The following SLC28A1 variants were observed in gnomAD, a reference collection of about 807,000 sequenced individuals.
SLC28A1 encodes the protein solute carrier family 28 member 1, also known as sodium/nucleoside cotransporter 1.
A neutral mutation model predicts 74.8 loss-of-function variants in SLC28A1; 64 were observed. The ratio of observed to expected loss-of-function variants is 0.86; its 90% confidence interval spans 0.70 to 1.05. The LOEUF (loss-of-function observed/expected upper bound fraction) is 1.05. Ranked by LOEUF, SLC28A1 falls within the 50% of genes least tolerant of loss-of-function variation. SLC28A1 has a pLI of 0.00. For missense variants in SLC28A1, 828 were observed against 822.8 expected (o/e 1.01, Z -0.08); for synonymous variants, 359 against 335.0 (o/e 1.07, Z -0.78).
At chr15:84,901,165 G>A (rs1966651708) in intron 6 of SLC28A1, among the ~76,000 whole-genome samples, 1 of 152,024 alleles carries the variant, frequency 6.6e-6, no homozygotes, top group Admixed American at 6.6e-5. Flanking sequence ...GAGCCACGGT[G>A]CCTGGCCTTG....
chr15:84,958,693 A>G, the SLC28A1 span, among the ~76,000 whole-genome samples: 2 of 152,142 alleles, frequency 1.3e-5, no homozygotes, highest in African/African-American at 4.8e-5. Context: ...AGCTGGGACT[A>G]CAGGAAGGCA....
intron 11 of SLC28A1, among the ~76,000 whole-genome samples, chr15:84,922,335 T>A (rs1318915295): frequency 1.3e-5 from 2 of 152,192 alleles, no homozygotes; most frequent in African/African-American, 4.8e-5. Flanking sequence ...CAACCTGAAC[T>A]GTTGCTCCCC....
chr15:84,937,578 G>C (rs947829014), intron 15 of SLC28A1, among the ~76,000 whole-genome samples: 8 of 152,142 alleles, frequency 5.3e-5, no homozygotes. Flanking sequence ...GTTTTAAATT[G>C]TAAAGGAAGG....
At chr15:84,962,746 ATT>A in the SLC28A1 span, among the ~76,000 whole-genome samples, 2 of 152,128 alleles carry the variant, frequency 1.3e-5, no homozygotes, top group African/African-American at 2.4e-5. Context: ...AGAGGAAAAG[ATT>A]TTTACCCCAG....
intron 9 of SLC28A1, among the ~76,000 whole-genome samples, chr15:84,910,728 CAACAAAACAA>C (rs927102621): frequency 5.3e-5 from 8 of 152,048 alleles, no homozygotes; most frequent in South Asian, 2.1e-4. Context: ...AACTGCATCT[CAACAAAACAA>C]AACAAAACAA....
chr15:84,944,903 A>G (rs1211268303), intron 18 of SLC28A1, 36 bp downstream of exon 18: 1 of 1,413,992 alleles, frequency 7.1e-7, no homozygotes, highest in Non-Finnish European at 1.0e-6. Flanking sequence ...CAGGGCACCC[A>G]CAGTGATAGA....
At chr15:84,974,742 T>C in the SLC28A1 span, among the ~76,000 whole-genome samples, 2 of 152,104 alleles carry the variant, frequency 1.3e-5, no homozygotes, top group African/African-American at 4.8e-5. Context: ...AGGGCACAAA[T>C]GGTGTAGCTT....
chr15:84,925,067 G>GTTTTTTT (rs964017770), intron 12 of SLC28A1, among the ~76,000 whole-genome samples: 17 of 84,148 alleles, frequency 2.0e-4, no homozygotes, highest in South Asian at 6.5e-4. Context: ...CGCCCAGCTA[G>GTTTTTTT]TTTTTTTTTT....
At chr15:84,938,465 C>T (rs777255690) in intron 15 of SLC28A1, 16 of 152,074 alleles carry the variant, frequency 1.1e-4, no homozygotes, top group African/African-American at 1.4e-4. Context: ...GCACAGGGGC[C>T]GTGCTAATCT....
chr15:84,936,553 G>A (rs7176065), intron 15 of SLC28A1, among the ~76,000 whole-genome samples: 5,462 of 152,134 alleles, frequency 0.036, 326 homozygotes, highest in African/African-American at 0.12. Flanking sequence ...CACCATACCC[G>A]GCCATCACCT....
intron 9 of SLC28A1, among the ~76,000 whole-genome samples, chr15:84,913,501 C>G (rs1288218173): frequency 6.6e-6 from 1 of 152,172 alleles, no homozygotes; most frequent in Non-Finnish European, 1.5e-5. Context: ...GTGTGGTGTC[C>G]AGGTCAGCTG....
At position 84,931,651 on chromosome 15, in the gene SLC28A1, CAAAAAAAAAA is replaced by C. The variant is rs60407699; in HGVS notation, c.1084-1477_1084-1468del. ...TGGGCGACAGAGTGAGACTCCATCT[CAAAAAAAAAA>C]AAAAAAAAAAAAAAAATGAAAGAAA... On this transcript the variant is annotated intron_variant, in intron 12 of 18. Transcript: ENST00000394573. 1.3e-3 allele frequency among the ~76,000 whole-genome samples: 69 copies of C among 52,416 alleles called. 1 individual carries two copies. Among genetic ancestry groups the C allele is most frequent in the Non-Finnish European group, 1.8e-3 (60 of 32,762 alleles). The allele number at this position is 52,416 out of a possible 152,430, so 34.4% of individuals were successfully genotyped here. A position where few individuals can be genotyped will look rare whatever the true frequency, so the allele number is the denominator to read the frequency against.
intron 11 of SLC28A1, among the ~76,000 whole-genome samples, chr15:84,923,034 T>A (rs1970030904): frequency 6.6e-6 from 1 of 152,086 alleles, no homozygotes; most frequent in Non-Finnish European, 1.5e-5. Flanking sequence ...GCCTCCCGGG[T>A]TCAAGCGATT....
intron 5 of SLC28A1, among the ~76,000 whole-genome samples, chr15:84,894,193 G>A (rs1384022566): frequency 6.6e-6 from 1 of 151,998 alleles, no homozygotes; most frequent in African/African-American, 2.4e-5. Context: ...GCAATATGGC[G>A]AAACCCTGTC....
At chr15:84,933,983 A>C (rs575683450) in intron 13 of SLC28A1, among the ~76,000 whole-genome samples, 6 of 152,248 alleles carry the variant, frequency 3.9e-5, no homozygotes, top group Admixed American at 3.9e-4. Context: ...TCAAAAACAA[A>C]ACAAAAAGCC....
At chr15:84,907,563 T>TGGCGTGATCTTAGCTCATTGCAGC (rs1967427520) in intron 8 of SLC28A1, among the ~76,000 whole-genome samples, 2 of 152,148 alleles carry the variant, frequency 1.3e-5, no homozygotes, top group Admixed American at 6.5e-5. Flanking sequence ...TGGAGTGCAG[T>TGGCGTGATCTTAGCTCATTGCAGC]GGCGTGATCT....
rs1192510456 is a variant in SLC28A1 at position 84,897,659 on chromosome 15, TA to T, written c.461+2537del. On this transcript the variant is annotated intron_variant, in intron 6 of 18. Transcript: ENST00000394573. Reference sequence around the variant, plus strand: ...TTAGAACTATTCAAATTCTCCTAGCTATTTTGAAATATGCAATACATTATTG... The same window carrying T: ...TTAGAACTATTCAAATTCTCCTAGCTTTTTGAAATATGCAATACATTATTG... Among the ~76,000 whole-genome samples, 7 of 152,366 alleles carry T rather than the reference TA, an allele frequency of 4.6e-5. No individual in the cohort carries two copies. In the East Asian group the frequency reaches 1.3e-3, roughly 29 times the overall value.
intron 12 of SLC28A1, among the ~76,000 whole-genome samples, chr15:84,931,513 G>A (rs935983460): frequency 1.5e-4 from 22 of 150,878 alleles, no homozygotes; most frequent in East Asian, 6.0e-4. Flanking sequence ...TTAGCTGGGC[G>A]TGGTGGTGGG....
chr15:84,948,561 G>C (rs910031415), downstream of SLC28A1, among the ~76,000 whole-genome samples: 3 of 152,138 alleles, frequency 2.0e-5, no homozygotes, highest in East Asian at 5.8e-4. Flanking sequence ...ACAGAGCTGG[G>C]AGCTGAGTCA....
Sources: gnomAD v4.1 joint callset for allele counts (sites outside exome capture counted in the v4.1 genomes callset) on GRCh38, gnomAD v4.1.1 for gene constraint, MANE v1.5 for transcripts, NCBI Gene and HGNC (gene_info 2026-07-23, HGNC 2026-07-21) for gene names.